The following KDELR2 variants were observed in gnomAD, a reference collection of about 807,000 sequenced individuals.
KDELR2 encodes ER lumen protein-retaining receptor 2.
KDELR2 carries 15 observed loss-of-function variants against 23.9 expected under a neutral mutation model. The ratio of observed to expected loss-of-function variants is 0.63; its 90% CI spans 0.42 to 0.97. KDELR2 has a LOEUF of 0.97. Among genes scored for constraint, KDELR2 ranks in the 50% least tolerant of loss-of-function variants. The pLI is 0.00. For missense variants in KDELR2, 272 were observed against 254.6 expected (o/e 1.07, Z -0.46); for synonymous variants, 119 against 106.2 (o/e 1.12, Z -0.74).
intron 1 of KDELR2, among the ~76,000 whole-genome samples, chr7:6,481,704 A>G (rs1785896394): frequency 6.6e-6 from 1 of 152,184 alleles, no homozygotes; most frequent in African/African-American, 2.4e-5. Context: ...TGGGGGACAG[A>G]GTGAGACATC....
chr7:6,478,237 C>G (rs1248987304), intron 1 of KDELR2, among the ~76,000 whole-genome samples: 1 of 151,916 alleles, frequency 6.6e-6, no homozygotes, highest in Non-Finnish European at 1.5e-5. Flanking sequence ...CTCGCTGCAG[C>G]CTGGGGCTTA....
intron 1 of KDELR2, among the ~76,000 whole-genome samples, chr7:6,481,293 A>T (rs1785884795): frequency 7.0e-6 from 1 of 142,124 alleles, no homozygotes; most frequent in African/African-American, 2.6e-5. Flanking sequence ...TGAACCCGGG[A>T]GGCAGAGGTT....
At chr7:6,469,805 G>T (rs779261820) in intron 2 of KDELR2, 51 bp from the exon 3 acceptor site, 8 of 1,467,048 alleles carry the variant, frequency 5.5e-6, no homozygotes, top group Non-Finnish European at 5.5e-6. Flanking sequence ...CACTGTTCCA[G>T]CACCCCCCAG....
At chr7:6,480,857 T>A (rs1785873193) in intron 1 of KDELR2, among the ~76,000 whole-genome samples, 1 of 152,186 alleles carries the variant, frequency 6.6e-6, no homozygotes. Flanking sequence ...GAATAAATGA[T>A]CTGGGTGATT....
At chr7:6,467,245 T>G (rs117935076) in intron 3 of KDELR2, among the ~76,000 whole-genome samples, 3,483 of 152,330 alleles carry the variant, frequency 0.023, 62 homozygotes, top group Middle Eastern at 0.054. Context: ...TACTGATAAT[T>G]GATAAGCTCC....
chr7:6,468,486 A>G lies in KDELR2; in HGVS notation c.351+1110T>C, dbSNP rs1433140310. Reference sequence around the variant, plus strand: ...TGGGATTACAGGCGTGCGATACCACACCCAGCTAATTTTTGATTTTCTTTC... The same window carrying G: ...TGGGATTACAGGCGTGCGATACCACGCCCAGCTAATTTTTGATTTTCTTTC... On this transcript the variant is annotated intron_variant, in intron 3 of 4. Coordinates refer to ENST00000258739, the MANE Select transcript of KDELR2 (RefSeq NM_006854.4). Among the ~76,000 whole-genome samples the G allele has an allele frequency of 3.4e-5, 5 of 149,062 alleles. No homozygotes were observed. In the East Asian group the frequency reaches 9.9e-4, roughly 30 times the overall value.
At chr7:6,478,095 C>A (rs1412679679) in intron 1 of KDELR2, among the ~76,000 whole-genome samples, 1 of 152,096 alleles carries the variant, frequency 6.6e-6, no homozygotes, top group African/African-American at 2.4e-5. Flanking sequence ...TTCTTCACAT[C>A]CTTGCCAACA....
intron 1 of KDELR2, among the ~76,000 whole-genome samples, chr7:6,480,369 A>T (rs1785865265): frequency 6.6e-6 from 1 of 152,234 alleles, no homozygotes; most frequent in Non-Finnish European, 1.5e-5. Context: ...CAACTTGAGC[A>T]TACCGTGGAT....
At chr7:6,483,819 C>T (rs1785968190) in intron 1 of KDELR2, 148 bp downstream of exon 1, 3 of 495,704 alleles carry the variant, frequency 6.1e-6, no homozygotes, top group Non-Finnish European at 9.0e-6. Context: ...GCCGCTGCCC[C>T]CCGGGTCCGG....
intron 1 of KDELR2, among the ~76,000 whole-genome samples, chr7:6,477,419 C>G (rs1418831082): frequency 6.6e-6 from 1 of 152,198 alleles, no homozygotes; most frequent in Non-Finnish European, 1.5e-5. Flanking sequence ...GAGTAGAATA[C>G]CTGCTATTAA....
intron 1 of KDELR2, among the ~76,000 whole-genome samples, chr7:6,481,547 A>C (rs1785891251): frequency 6.6e-6 from 1 of 152,012 alleles, no homozygotes; most frequent in Non-Finnish European, 1.5e-5. Context: ...AAAGATTTTG[A>C]AGCAAAACTA....
chr7:6,463,052 T>A lies in KDELR2; in HGVS notation c.*89A>T, dbSNP rs1407491807. The A allele has an allele frequency of 6.2e-7, 1 of 1,614,212 alleles. No individual in the cohort carries two copies. The highest frequency in any genetic ancestry group is 1.1e-5 in the South Asian group (1 of 91,090). On this transcript the variant is annotated 3_prime_UTR_variant, in exon 5 of 5. Coordinates refer to ENST00000258739, the MANE Select transcript of KDELR2 (RefSeq NM_006854.4). The stretch of plus-strand genomic sequence containing the variant: ...GCAACAAAAGAGTTAAGTTTCTGAT[T>A]TTCCGTATCAAGCATCTTATGCCTT...
At chr7:6,463,245 C>G (rs557821158) in intron 4 of KDELR2, 70 bp from the exon 5 acceptor site, 1 of 1,262,080 alleles carries the variant, frequency 7.9e-7, no homozygotes, top group East Asian at 2.3e-5. Flanking sequence ...TCCTTCTTCC[C>G]ATTCCTAGAA....
At chr7:6,482,933 G>C (rs950710746) in intron 1 of KDELR2, among the ~76,000 whole-genome samples, 1 of 151,514 alleles carries the variant, frequency 6.6e-6, no homozygotes, top group Non-Finnish European at 1.5e-5. Flanking sequence ...TGAGCCAGGG[G>C]AGGTAGAGGC....
intron 1 of KDELR2, among the ~76,000 whole-genome samples, chr7:6,478,035 G>A (rs7794519): frequency 6.6e-6 from 1 of 152,146 alleles, no homozygotes; most frequent in African/African-American, 2.4e-5. Context: ...ATTTCTCCTA[G>A]AAAGGCTATG....
At chr7:6,480,443 G>A (rs1785866970) in intron 1 of KDELR2, among the ~76,000 whole-genome samples, 1 of 152,156 alleles carries the variant, frequency 6.6e-6, no homozygotes, top group African/African-American at 2.4e-5. Context: ...CTTCTGTAAT[G>A]ACAACAGCAG....
chr7:6,466,491 C>G (rs1032735218), intron 3 of KDELR2, among the ~76,000 whole-genome samples, 168 bp from the exon 4 acceptor site: 1 of 152,108 alleles, frequency 6.6e-6, no homozygotes, highest in African/African-American at 2.4e-5. Context: ...GTGGTCCCAG[C>G]CTTTTTGACA....
chr7:6,473,172 C>G (rs1785689549), intron 2 of KDELR2, among the ~76,000 whole-genome samples: 1 of 150,348 alleles, frequency 6.7e-6, no homozygotes, highest in South Asian at 2.1e-4. Flanking sequence ...ATCCACCCAC[C>G]TTGGCCTCCC....
At chr7:6,474,642 C>T (rs1289224303) in intron 1 of KDELR2, among the ~76,000 whole-genome samples, 1 of 152,126 alleles carries the variant, frequency 6.6e-6, no homozygotes, top group Non-Finnish European at 1.5e-5. Context: ...AGTGTTATAA[C>T]TTGTCTCTTA....
Sources: allele counts gnomAD v4.1 joint callset (sites outside exome capture counted in the v4.1 genomes callset), GRCh38; gene constraint gnomAD v4.1.1; transcripts MANE v1.5; gene names NCBI Gene and HGNC (gene_info 2026-07-23, HGNC 2026-07-21).